The following SHANK2 variants were observed in gnomAD, a reference collection of about 807,000 sequenced individuals.
SHANK2 encodes SH3 and multiple ankyrin repeat domains 2, also known as SH3 and multiple ankyrin repeat domains protein 2.
In SHANK2, 43 loss-of-function variants were observed where a neutral mutation model predicts 133.7. The observed-to-expected ratio is 0.32, with a 90% CI of 0.25 to 0.41. SHANK2 has a LOEUF of 0.41. Ranked by LOEUF, SHANK2 falls within the 10% of genes least tolerant of loss-of-function variation. The pLI is 1.00. For missense variants in SHANK2, 1,994 were observed against 2,235.8 expected (o/e 0.89, Z 2.18); for synonymous variants, 1,017 against 952.8 (o/e 1.07, Z -1.24).
intron 3 of SHANK2, among the ~76,000 whole-genome samples, 195 bp downstream of exon 3, chr11:71,146,925 C>T (rs782333922): frequency 2.6e-5 from 4 of 151,692 alleles, no homozygotes; most frequent in Admixed American, 6.6e-5. Flanking sequence ...GTGAGGCCAG[C>T]GGCAGCAGGG....
At chr11:70,914,226 A>C (rs1555079516) in intron 10 of SHANK2, among the ~76,000 whole-genome samples, 1 of 152,102 alleles carries the variant, frequency 6.6e-6, no homozygotes, top group Admixed American at 6.5e-5. Flanking sequence ...GGGCTCATAC[A>C]GAGCCACAGG....
At chr11:71,056,263 G>GC (rs1440873557) in intron 10 of SHANK2, among the ~76,000 whole-genome samples, 1 of 152,212 alleles carries the variant, frequency 6.6e-6, no homozygotes, top group East Asian at 1.9e-4. Flanking sequence ...TGTGCCATTT[G>GC]CTCTAATAGG....
chr11:71,229,373 TCACAAGA>T (rs1293230271), intron 1 of SHANK2, among the ~76,000 whole-genome samples: 1 of 152,132 alleles, frequency 6.6e-6, no homozygotes, highest in Non-Finnish European at 1.5e-5. Flanking sequence ...TTGAGCAAGG[TCACAAGA>T]CACCAGATCA....
At chr11:70,759,723 G>T (rs782234601) in intron 14 of SHANK2, among the ~76,000 whole-genome samples, 18 of 152,156 alleles carry the variant, frequency 1.2e-4, no homozygotes, top group Non-Finnish European at 2.1e-4. Flanking sequence ...AAATAAACGA[G>T]TTCTGGCTGT....
chr11:70,662,832 GTGAGCCTCCAGGC>G (rs1944595382), intron 15 of SHANK2, among the ~76,000 whole-genome samples: 1 of 152,158 alleles, frequency 6.6e-6, no homozygotes, highest in Admixed American at 6.5e-5. Flanking sequence ...GCCCTGCTCA[GTGAGCCTCCAGGC>G]TGCGGCTGAA....
intron 11 of SHANK2, among the ~76,000 whole-genome samples, chr11:70,892,222 T>C (rs1949856258): frequency 6.6e-6 from 1 of 152,212 alleles, no homozygotes; most frequent in Admixed American, 6.5e-5. Context: ...AAGCATCATC[T>C]TCCTCCAGCC....
chr11:70,952,713 G>A (rs1950862022), intron 10 of SHANK2: 2 of 410,162 alleles, frequency 4.9e-6, no homozygotes, highest in Admixed American at 5.4e-5. Context: ...AGCACTCTGG[G>A]GGACGCAGAT....
chr11:70,788,870 C>A (rs1246496098), intron 14 of SHANK2, among the ~76,000 whole-genome samples: 1 of 152,154 alleles, frequency 6.6e-6, no homozygotes, highest in Non-Finnish European at 1.5e-5. Context: ...GCTCTCAGGT[C>A]GATTTCTGGG....
At chr11:70,700,272 A>C (rs992914094) in intron 14 of SHANK2, among the ~76,000 whole-genome samples, 1 of 152,126 alleles carries the variant, frequency 6.6e-6, no homozygotes, top group Non-Finnish European at 1.5e-5. Context: ...CTTACTCTGT[A>C]CCAGGCCCTG....
chr11:71,208,651 C>T (rs560731773), intron 2 of SHANK2, among the ~76,000 whole-genome samples: 3 of 152,148 alleles, frequency 2.0e-5, no homozygotes, highest in Admixed American at 6.5e-5. Context: ...CTCTGGAATA[C>T]GAAACACTGG....
rs545345196 is a variant in SHANK2 at position 70,804,744 on chromosome 11, A to G, written c.1663+2258T>C. On this transcript the variant is annotated intron_variant, in intron 13 of 25. Coordinates refer to ENST00000601538, the MANE Select transcript of SHANK2 (RefSeq NM_012309.5). The surrounding 1 kb of genome is among the most constrained non-coding windows in gnomAD (Gnocchi z 4.1). ...GGCCCCCCCAGAGCTTCTGGGAATTAAGGTGTGAGATGTGGATTCGCCTGC... is the reference window on the plus strand; with the variant it reads ...GGCCCCCCCAGAGCTTCTGGGAATTGAGGTGTGAGATGTGGATTCGCCTGC... Among the ~76,000 whole-genome samples the G allele has an allele frequency of 7.9e-5, 12 of 152,240 alleles. No homozygotes were observed. In the East Asian group the frequency reaches 2.3e-3, roughly 30 times the overall value.
At chr11:70,644,384 G>A (rs1412410621) in intron 17 of SHANK2, among the ~76,000 whole-genome samples, 2 of 152,054 alleles carry the variant, frequency 1.3e-5, no homozygotes, top group Non-Finnish European at 1.5e-5. Context: ...TGAATGTGAC[G>A]GATGTGACTA....
Position 70,652,181 on chromosome 11 carries a change from T to C in SHANK2, c.2061+7647A>G, listed in dbSNP as rs543791024. On this transcript the variant is annotated intron_variant, in intron 17 of 25. Coordinates refer to ENST00000601538, the MANE Select transcript of SHANK2 (RefSeq NM_012309.5). ...GAATTGTACAGGCTGGTAAGTGCTC[T>C]GGGAGCAGTGGTTTGAGCCAAAGGA... Among the ~76,000 whole-genome samples, 28 of 152,334 alleles carry C rather than the reference T, an allele frequency of 1.8e-4. 1 individual carries two copies. Among genetic ancestry groups the C allele is most frequent in the African/African-American group, 6.5e-4 (27 of 41,584 alleles).
upstream of SHANK2, among the ~76,000 whole-genome samples, chr11:71,252,788 C>A (rs1159912087): frequency 7.9e-5 from 12 of 151,678 alleles, no homozygotes; most frequent in African/African-American, 2.9e-4. The surrounding 1 kb of genome is among the most constrained non-coding windows in gnomAD (Gnocchi z 6.3). Context: ...GTTGTGGCAA[C>A]CCCGGGAGAC....
chr11:71,125,599 G>A (rs1184141832), intron 3 of SHANK2, among the ~76,000 whole-genome samples: 1 of 152,226 alleles, frequency 6.6e-6, no homozygotes, highest in Non-Finnish European at 1.5e-5. Flanking sequence ...TGAGGCTGAA[G>A]GAAAGAAGCC....
intron 17 of SHANK2, among the ~76,000 whole-genome samples, chr11:70,522,973 A>T (rs1050391064): frequency 1.3e-5 from 2 of 152,158 alleles, no homozygotes; most frequent in Admixed American, 6.5e-5. Context: ...CGCAGCTCCA[A>T]TCCACACCCT....
At chr11:71,058,412 G>A (rs1590873701) in intron 9 of SHANK2, among the ~76,000 whole-genome samples, 1 of 152,224 alleles carries the variant, frequency 6.6e-6, no homozygotes, top group African/African-American at 2.4e-5. Context: ...AGTGGGGACT[G>A]CAGCGGCAAA....
intron 17 of SHANK2, among the ~76,000 whole-genome samples, chr11:70,588,984 A>AT (rs1554987442): frequency 6.6e-6 from 1 of 152,022 alleles, no homozygotes; most frequent in African/African-American, 2.4e-5. Context: ...CACCCACATA[A>AT]TTTTTTGTAT....
chr11:70,673,203 G>A lies in SHANK2; in HGVS notation c.1854-11525C>T, dbSNP rs552883005. 1.2e-4 allele frequency among the ~76,000 whole-genome samples: 18 copies of A among 152,100 alleles called. 1 individual carries two copies. In the South Asian group the frequency reaches 3.1e-3, roughly 26 times the overall value. ...ACTGAAGGTCCAGGCAGCCTGCAGCGACAGGTTTGCCCAGGGCACATGCCT... is the reference window on the plus strand; with the variant it reads ...ACTGAAGGTCCAGGCAGCCTGCAGCAACAGGTTTGCCCAGGGCACATGCCT... On this transcript the variant is annotated intron_variant, in intron 15 of 25. Coordinates refer to ENST00000601538, the MANE Select transcript of SHANK2 (RefSeq NM_012309.5).
Sources: allele counts gnomAD v4.1 joint callset (sites outside exome capture counted in the v4.1 genomes callset), GRCh38; gene constraint gnomAD v4.1.1; non-coding constraint Gnocchi (gnomAD v3.1); transcripts MANE v1.5; gene names NCBI Gene and HGNC (gene_info 2026-07-23, HGNC 2026-07-21).